L3MBTL4: variants seen among roughly 807,000 people sequenced by gnomAD.
The protein encoded by L3MBTL4 is L3MBTL histone methyl-lysine binding protein 4.
In L3MBTL4, 70 loss-of-function variants were observed where a neutral mutation model predicts 84.5. The ratio of observed to expected loss-of-function variants is 0.83; its 90% confidence interval spans 0.68 to 1.01. The LOEUF (loss-of-function observed/expected upper bound fraction) is 1.01. L3MBTL4 is among the 50% of genes least tolerant of loss of function. L3MBTL4 has a pLI of 0.00. For synonymous variants in L3MBTL4, 274 were observed against 259.8 expected, an observed-to-expected ratio of 1.05 and a Z score of -0.52; for missense variants, 715 against 754.8, an observed-to-expected ratio of 0.95 and a Z score of 0.62.
At chr18:6,059,623 A>C in intron 16 of L3MBTL4, among the ~76,000 whole-genome samples, 1 of 152,022 alleles carries the variant, frequency 6.6e-6, no homozygotes, top group Non-Finnish European at 1.5e-5. Context: ...AAGCTAAAAA[A>C]AAAGCCTGAT....
intron 16 of L3MBTL4, chr18:6,030,468 G>T: frequency 1.0e-6 from 1 of 971,842 alleles, no homozygotes; most frequent in Non-Finnish European, 1.2e-6. Flanking sequence ...TACTAAACAA[G>T]TGAAGTATTA....
intron 13 of L3MBTL4, among the ~76,000 whole-genome samples, chr18:6,151,970 G>A (rs1210986746): frequency 6.6e-6 from 1 of 152,046 alleles, no homozygotes; most frequent in Non-Finnish European, 1.5e-5. Context: ...CATATAGGTA[G>A]GATCATACAG....
At chr18:6,209,680 C>A (rs115056590) in intron 12 of L3MBTL4, among the ~76,000 whole-genome samples, 184 of 152,224 alleles carry the variant, frequency 1.2e-3, no homozygotes, top group African/African-American at 4.2e-3. Flanking sequence ...TACGTCCACA[C>A]AAAAACATAT....
chr18:6,099,559 A>G (rs1473580447), intron 14 of L3MBTL4, among the ~76,000 whole-genome samples: 1 of 79,298 alleles, frequency 1.3e-5, no homozygotes, highest in East Asian at 4.6e-4. Context: ...AAATTTTTAT[A>G]TATCTATAGA....
chr18:6,156,718 C>G (rs1349353775), intron 13 of L3MBTL4, among the ~76,000 whole-genome samples: 1 of 152,214 alleles, frequency 6.6e-6, no homozygotes, highest in Admixed American at 6.5e-5. Flanking sequence ...TGTCAAACCA[C>G]TGAGTTGTTT....
chr18:6,264,962 G>A (rs1424654868), intron 4 of L3MBTL4, among the ~76,000 whole-genome samples: 5 of 152,192 alleles, frequency 3.3e-5, no homozygotes, highest in African/African-American at 4.8e-5. Context: ...GTAATTAAAC[G>A]CGTTACATGG....
chr18:6,373,046 C>T (rs2054221025), intron 1 of L3MBTL4, among the ~76,000 whole-genome samples: 1 of 152,136 alleles, frequency 6.6e-6, no homozygotes, highest in African/African-American at 2.4e-5. Flanking sequence ...TGCAAAAAAT[C>T]ACATACATCT....
At chr18:6,345,004 A>G (rs1025546853) in intron 1 of L3MBTL4, among the ~76,000 whole-genome samples, 1 of 151,952 alleles carries the variant, frequency 6.6e-6, no homozygotes. Flanking sequence ...CAAAAGAAAA[A>G]CAAAAAAAGG....
intron 16 of L3MBTL4, among the ~76,000 whole-genome samples, chr18:6,013,203 G>A (rs2054814501): frequency 6.6e-6 from 1 of 152,166 alleles, no homozygotes; most frequent in Non-Finnish European, 1.5e-5. Flanking sequence ...CTAGAGGCAG[G>A]CACTGGCAGG....
intron 14 of L3MBTL4, among the ~76,000 whole-genome samples, chr18:6,133,325 G>GCTCTAGATCA (rs1001303482): frequency 6.8e-6 from 1 of 146,594 alleles, no homozygotes; most frequent in East Asian, 1.9e-4. Context: ...GGGTGTTACA[G>GCTCTAGATCA]CTCTAGATCA....
At chr18:6,022,137 A>C (rs1328104644) in intron 16 of L3MBTL4, among the ~76,000 whole-genome samples, 1 of 152,336 alleles carries the variant, frequency 6.6e-6, no homozygotes, top group East Asian at 1.9e-4. Flanking sequence ...TTCACTGTAC[A>C]ATCTATTTCT....
chr18:6,338,033 C>G (rs2052428463), intron 1 of L3MBTL4, among the ~76,000 whole-genome samples: 3 of 151,748 alleles, frequency 2.0e-5, no homozygotes, highest in African/African-American at 7.3e-5. Context: ...CAAAAAAACC[C>G]TAAGTACTCA....
At chr18:6,084,948 G>A (rs502732) in intron 15 of L3MBTL4, among the ~76,000 whole-genome samples, 3 of 152,154 alleles carry the variant, frequency 2.0e-5, no homozygotes, top group African/African-American at 4.8e-5. Context: ...GAGGTAAGAC[G>A]TGGAGCTAGG....
chr18:6,082,686 G>C (rs2058119396), intron 15 of L3MBTL4, among the ~76,000 whole-genome samples: 1 of 152,122 alleles, frequency 6.6e-6, no homozygotes, highest in Non-Finnish European at 1.5e-5. Context: ...AAGCCAGTCT[G>C]CCACATATAA....
chr18:6,184,088 G>A (rs576050224), intron 12 of L3MBTL4, among the ~76,000 whole-genome samples: 1 of 152,196 alleles, frequency 6.6e-6, no homozygotes, highest in African/African-American at 2.4e-5. Flanking sequence ...TACACACACA[G>A]AGATGTACTT....
chr18:6,221,125 G>A (rs915594813), intron 10 of L3MBTL4, among the ~76,000 whole-genome samples: 3 of 151,954 alleles, frequency 2.0e-5, no homozygotes, highest in African/African-American at 7.3e-5. Flanking sequence ...AGGAACAACA[G>A]CCTAAGCAGC....
At chr18:6,329,151 CTT>C (rs992694853) in intron 1 of L3MBTL4, among the ~76,000 whole-genome samples, 148 of 126,544 alleles carry the variant, frequency 1.2e-3, no homozygotes, top group African/African-American at 4.2e-3. Context: ...TTTTTCTTTT[CTT>C]TTTTTTTTTT....
At chr18:6,181,149 T>G (rs1382092081) in intron 12 of L3MBTL4, among the ~76,000 whole-genome samples, 1 of 149,774 alleles carries the variant, frequency 6.7e-6, no homozygotes, top group Non-Finnish European at 1.5e-5. Flanking sequence ...CTGTTTGAGG[T>G]GAGGACAATT....
At chr18:6,124,678 T>C (rs759272859) in intron 14 of L3MBTL4, among the ~76,000 whole-genome samples, 4 of 152,022 alleles carry the variant, frequency 2.6e-5, no homozygotes, top group Non-Finnish European at 5.9e-5. Context: ...AAATGTAATA[T>C]GCAGGCACCT....
Sources: allele counts gnomAD v4.1 joint callset (sites outside exome capture counted in the v4.1 genomes callset), GRCh38; gene constraint gnomAD v4.1.1; transcripts MANE v1.5; gene names NCBI Gene and HGNC (gene_info 2026-07-23, HGNC 2026-07-21).